Variants in DKKL1 observed in about 807,000 individuals in gnomAD.
DKKL1 encodes the protein dickkopf-like protein 1.
Under a neutral mutation model 16.5 loss-of-function variants are expected in DKKL1, and 11 were observed. The observed-to-expected ratio is 0.67, with a 90% CI of 0.42 to 1.10. The LOEUF is 1.10. DKKL1 is among the 50% of genes least tolerant of loss of function. The pLI is 0.00. For synonymous variants in DKKL1, 119 were observed against 133.2 expected (o/e 0.89, Z 0.73); for missense variants, 320 against 308.1 (o/e 1.04, Z -0.29).
At chr19:49,363,750 C>A, upstream of DKKL1, 1 of 582,988 alleles carries the variant, frequency 1.7e-6, no homozygotes, top group Non-Finnish European at 3.1e-6. Context: ...TGGGGCGTGG[C>A]TGTGTCACCA....
upstream of DKKL1, chr19:49,363,671 TCTGA>T (rs552988177): frequency 2.6e-3 from 1,090 of 415,102 alleles, 2 homozygotes; most frequent in Non-Finnish European, 3.5e-3. Flanking sequence ...GTGGGCGTGG[TCTGA>T]CTGTGTGGGC....
rs141709326 is a variant in DKKL1 at position 49,365,580 on chromosome 19, C to A, written c.255C>A (p.Tyr85Ter). ...PMDFRGLPGN[Y>*]HKEENQEHQL... ...ACTTCCGGGGCCTCCCTGGGAACTA[C>A]CACAAAGAGGAGAACCAGGAGCACC... The change falls in exon 3 of 5, where the codon TAC becomes TAA. Residue 85 changes from tyrosine to a stop codon, truncating the protein, a stop_gained. Coordinates refer to ENST00000221498, the MANE Select transcript of DKKL1 (RefSeq NM_014419.4). LOFTEE classifies it high-confidence loss of function. 2 of 1,613,974 alleles carry A rather than the reference C, an allele frequency of 1.2e-6. No individual in the cohort carries two copies. Among genetic ancestry groups the A allele is most frequent in the Non-Finnish European group, 1.7e-6 (2 of 1,179,948 alleles).
chr19:49,370,484 GA>G (rs949584370), intron 4 of DKKL1: 10 of 146,024 alleles, frequency 6.8e-5, no homozygotes, highest in African/African-American at 2.5e-4. Context: ...ATTCACCAAG[GA>G]AAAGTTCCCA....
chr19:49,363,833 G>A, upstream of DKKL1: 1 of 989,646 alleles, frequency 1.0e-6, no homozygotes, highest in Non-Finnish European at 1.5e-6. Flanking sequence ...TCAGACAATA[G>A]GGGCGTGGCT....
chr19:49,371,476 G>C (rs1251876295), intron 4 of DKKL1, among the ~76,000 whole-genome samples: 3 of 148,848 alleles, frequency 2.0e-5, no homozygotes, highest in African/African-American at 7.8e-5. Context: ...TGTTTTACTA[G>C]TTTTTTTTGG....
At position 49,375,023 on chromosome 19, in the gene DKKL1, C is replaced by T; in HGVS notation, c.724C>T (p.Leu242=). Residue 242 remains leucine (L), a synonymous_variant, in exon 5 of 5, where the codon CTG becomes TTG. Coordinates refer to ENST00000221498, the MANE Select transcript of DKKL1 (RefSeq NM_014419.4). ...LLYILRPSRQ[L] ...GTACATCCTCAGGCCCTCTCGGCAG[C>T]TGTAGGGGTGGGGACCGGGGAGCAC... 6.2e-7 allele frequency: 1 copy of T among 1,602,954 alleles called. No homozygotes were observed.
chr19:49,374,529 A>G (rs1272246808), intron 4 of DKKL1, among the ~76,000 whole-genome samples, 188 bp from the exon 5 acceptor site: 1 of 152,226 alleles, frequency 6.6e-6, no homozygotes, highest in Non-Finnish European at 1.5e-5. Flanking sequence ...ATCCCAAAGC[A>G]TTCTGTAAAC....
Position 49,365,556 on chromosome 19 carries a change from C to T in DKKL1, c.231C>T (p.Asp77=), listed in dbSNP as rs1283014171. ...GIDSLFSAPM[D]FRGLPGNYHK... ...ACAGCTTATTCTCTGCCCCCATGGA[C>T]TTCCGGGGCCTCCCTGGGAACTACC... The change falls in exon 3 of 5, where the codon GAC becomes GAT. Residue 77 remains aspartate, a synonymous_variant. Transcript: ENST00000221498. 2 of 1,613,836 alleles carry T rather than the reference C, an allele frequency of 1.2e-6. No homozygotes were observed. The highest frequency in any genetic ancestry group is 8.5e-7 in the Non-Finnish European group (1 of 1,179,856).
chr19:49,367,980 A>G (rs956620203), intron 4 of DKKL1, among the ~76,000 whole-genome samples: 3 of 152,066 alleles, frequency 2.0e-5, no homozygotes, highest in Non-Finnish European at 4.4e-5. Flanking sequence ...GTTTGAGATC[A>G]CCCTGGGCAA....
chr19:49,363,860 A>T (rs1973122279), upstream of DKKL1: 2 of 1,280,020 alleles, frequency 1.6e-6, no homozygotes, highest in South Asian at 2.7e-5. Context: ...CGCGGAGCGC[A>T]ACCAACGCTC....
At chr19:49,367,157 G>C (rs1322203054) in intron 4 of DKKL1, among the ~76,000 whole-genome samples, 1 of 151,876 alleles carries the variant, frequency 6.6e-6, no homozygotes, top group African/African-American at 2.4e-5. Flanking sequence ...CTCCCAAGTA[G>C]ATGGGACTAC....
chr19:49,372,912 A>G (rs1973558815), intron 4 of DKKL1, among the ~76,000 whole-genome samples: 1 of 152,026 alleles, frequency 6.6e-6, no homozygotes, highest in Non-Finnish European at 1.5e-5. Context: ...GAAGCAGGAA[A>G]ATCGTTTGAA....
chr19:49,364,456 G>A, intron 1 of DKKL1, 126 bp from the exon 2 acceptor site: 1 of 727,316 alleles, frequency 1.4e-6, no homozygotes, highest in South Asian at 1.9e-5. Context: ...AGAAGCAGTG[G>A]GGGAAATGAG....
At chr19:49,367,717 G>A (rs573367352) in intron 4 of DKKL1, among the ~76,000 whole-genome samples, 74 of 152,164 alleles carry the variant, frequency 4.9e-4, no homozygotes, top group Non-Finnish European at 9.4e-4. Context: ...GGCCACCTTT[G>A]GTAAACTTCT....
intron 4 of DKKL1, 74 bp downstream of exon 4, chr19:49,365,959 A>G: frequency 7.1e-7 from 1 of 1,404,786 alleles, no homozygotes; most frequent in Non-Finnish European, 9.7e-7. Flanking sequence ...GAAGAGTCTC[A>G]CTCTGTCACC....
chr19:49,365,187 C>G (rs369097091), intron 2 of DKKL1, among the ~76,000 whole-genome samples: 1 of 150,736 alleles, frequency 6.6e-6, no homozygotes, highest in Non-Finnish European at 1.5e-5. Context: ...TAAATATATA[C>G]GTGCATAAAT....
At chr19:49,361,587 T>TCC (rs1449364334), upstream of DKKL1, 2 of 150,990 alleles carry the variant, frequency 1.3e-5, no homozygotes, top group African/African-American at 4.9e-5. Context: ...GCGACTCCCC[T>TCC]CCGGCACCGG....
upstream of DKKL1, chr19:49,362,938 T>TG (rs922691270): frequency 2.7e-5 from 4 of 145,602 alleles, no homozygotes; most frequent in African/African-American, 1.1e-4. Flanking sequence ...TTTTTTTGTT[T>TG]TTTTTTTTTT....
rs536503626 is a variant in DKKL1 at position 49,365,998 on chromosome 19, GCT to G, written c.417+115_417+116del. ...GCTGGAGTGCAGTGGCACGATCTTG[GCT>G]CACTGCAACCTCCGCCTCCGAAGTT... On this transcript the variant is annotated intron_variant, in intron 4 of 4. Coordinates refer to ENST00000221498, the MANE Select transcript of DKKL1 (RefSeq NM_014419.4). The G allele has an allele frequency of 1.2e-3, 1,138 of 948,578 alleles. 25 individuals carry two copies. The South Asian group carries it at 0.02, about 17-fold the overall frequency. 58.8% of individuals were successfully genotyped at this position (948,578 alleles called of 1,614,324 possible). A position where few individuals can be genotyped will look rare whatever the true frequency, so the allele number is the denominator to read the frequency against.
Sources: gnomAD v4.1 joint callset for allele counts (sites outside exome capture counted in the v4.1 genomes callset) on GRCh38, gnomAD v4.1.1 for gene constraint, MANE v1.5 for transcripts, NCBI Gene and HGNC (gene_info 2026-07-23, HGNC 2026-07-21) for gene names.